The following METTL8 variants were observed in gnomAD, a reference collection of about 807,000 sequenced individuals.
The protein encoded by METTL8 is tRNA N(3)-cytidine methyltransferase METTL8, mitochondrial.
A neutral mutation model predicts 48.7 loss-of-function variants in METTL8; 32 were observed. That is an observed-to-expected ratio of 0.66 (90% CI 0.50 to 0.88). The LOEUF is 0.88. METTL8 is among the 40% of genes least tolerant of loss of function. The pLI, the probability that METTL8 is intolerant of heterozygous loss-of-function variation, is 0.00. For missense variants in METTL8, 464 were observed against 474.4 expected (o/e 0.98, Z 0.20); for synonymous variants, 136 against 157.1 (o/e 0.87, Z 1.01).
intron 1 of METTL8, among the ~76,000 whole-genome samples, chr2:171,421,851 C>G (rs766750193): frequency 6.6e-6 from 1 of 152,082 alleles, no homozygotes; most frequent in South Asian, 2.1e-4. Flanking sequence ...CCCTAGTATA[C>G]TGAGGAAAGA....
chr2:171,423,227 C>T (rs1692053727), intron 1 of METTL8, among the ~76,000 whole-genome samples: 1 of 152,160 alleles, frequency 6.6e-6, no homozygotes, highest in Non-Finnish European at 1.5e-5. Context: ...AAACCTCTTC[C>T]CTTTATAAAT....
chr2:171,363,792 T>TTA (rs200347847), intron 2 of METTL8, among the ~76,000 whole-genome samples: 12,142 of 97,326 alleles, frequency 0.12, 1,214 homozygotes, highest in East Asian at 0.33. Flanking sequence ...TCCCCAAATT[T>TTA]TATATATATA....
chr2:171,363,812 A>ATATATATATC (rs1353749107), intron 2 of METTL8, among the ~76,000 whole-genome samples: 1 of 138,324 alleles, frequency 7.2e-6, no homozygotes, highest in African/African-American at 2.7e-5. Context: ...ATATATATAT[A>ATATATATATC]TATCTTTTTT....
chr2:171,368,630 T>G (rs570388073), intron 2 of METTL8, among the ~76,000 whole-genome samples: 156 of 151,700 alleles, frequency 1.0e-3, no homozygotes, highest in African/African-American at 3.7e-3. Flanking sequence ...ATTTAGAAGA[T>G]CTACATCAAA....
chr2:171,390,304 T>C (rs932618020), intron 2 of METTL8, among the ~76,000 whole-genome samples: 11 of 152,232 alleles, frequency 7.2e-5, no homozygotes, highest in African/African-American at 2.7e-4. Flanking sequence ...TGTACAAGGA[T>C]ATTAATGTTG....
intron 3 of METTL8, among the ~76,000 whole-genome samples, chr2:171,357,261 C>T (rs1222349507): frequency 2.0e-5 from 3 of 152,002 alleles, no homozygotes; most frequent in Non-Finnish European, 4.4e-5. Context: ...GCCCAGCCAA[C>T]AATATGATCT....
intron 2 of METTL8, among the ~76,000 whole-genome samples, chr2:171,373,172 C>T (rs1686551689): frequency 6.6e-6 from 1 of 152,176 alleles, no homozygotes; most frequent in Non-Finnish European, 1.5e-5. Context: ...TAATGATCAC[C>T]ATTCTAACTG....
At chr2:171,346,729 C>T (rs1687299450) in intron 3 of METTL8, among the ~76,000 whole-genome samples, 1 of 152,230 alleles carries the variant, frequency 6.6e-6, no homozygotes, top group Admixed American at 6.5e-5. Context: ...CACAGAGGCA[C>T]TTGCCGAAGA....
At chr2:171,411,508 A>C (rs576910276) in intron 1 of METTL8, among the ~76,000 whole-genome samples, 2 of 152,252 alleles carry the variant, frequency 1.3e-5, no homozygotes, top group South Asian at 4.1e-4. Flanking sequence ...AAAGTCCAGA[A>C]ACGAGTTAGA....
At chr2:171,378,018 C>A (rs1416322420) in intron 2 of METTL8, among the ~76,000 whole-genome samples, 1 of 152,186 alleles carries the variant, frequency 6.6e-6, no homozygotes, top group African/African-American at 2.4e-5. Context: ...CATCAACCAA[C>A]AAGTGGATCA....
At chr2:171,434,611 C>G (rs1693677654), upstream of METTL8, 1 of 1,529,186 alleles carries the variant, frequency 6.5e-7, no homozygotes, top group East Asian at 2.5e-5. Flanking sequence ...CGTGTGCAGC[C>G]GGCTGAGTCG....
chr2:171,411,749 G>T (rs1381071353), intron 1 of METTL8, among the ~76,000 whole-genome samples: 4 of 152,044 alleles, frequency 2.6e-5, no homozygotes, highest in Admixed American at 1.3e-4. Context: ...CCCAAAAAAT[G>T]GGGTAAAAAA....
At chr2:171,366,454 C>CA (rs1345505131) in intron 2 of METTL8, among the ~76,000 whole-genome samples, 10 of 152,102 alleles carry the variant, frequency 6.6e-5, no homozygotes, top group Non-Finnish European at 1.2e-4. Context: ...ATCCAGACTG[C>CA]ATAGAAGATA....
chr2:171,393,206 A>G (rs1294636502), intron 1 of METTL8, among the ~76,000 whole-genome samples: 1 of 152,030 alleles, frequency 6.6e-6, no homozygotes, highest in Non-Finnish European at 1.5e-5. Flanking sequence ...GAGTTACTTG[A>G]GTCCAAGAGT....
In METTL8 at chr2:171,316,734, C is replaced by T. The variant is rs554830631; in HGVS notation, c.*7438G>A. 1.3e-5 allele frequency among the ~76,000 whole-genome samples: 2 copies of T among 152,276 alleles called. No individual in the cohort carries two copies. The highest frequency in any genetic ancestry group is 4.8e-5 in the African/African-American group (2 of 41,562). ...ATATAAATATTAAAATAAATGAGGG[C>T]TGCGAAAGAAAAAGTATGAGCAATG... On this transcript the variant is annotated 3_prime_UTR_variant, in exon 10 of 10. Coordinates refer to ENST00000375258, the MANE Select transcript of METTL8 (RefSeq NM_001321154.2).
chr2:171,336,330 C>G (rs557457612), intron 5 of METTL8, among the ~76,000 whole-genome samples: 1 of 148,540 alleles, frequency 6.7e-6, no homozygotes, highest in African/African-American at 2.5e-5. Context: ...CTCCTGATCT[C>G]GTGATTTGCC....
At position 171,324,031 on chromosome 2, in the gene METTL8, C is replaced by G. The variant is rs1684683106; in HGVS notation, c.*141G>C. ...ACCACTTACATGTGCTTAAAATGCA[C>G]AAAGGAGCTCACCTATGACAAAACG... On this transcript the variant is annotated 3_prime_UTR_variant, in exon 10 of 10. Transcript: ENST00000375258. The G allele has an allele frequency of 8.8e-6, 6 of 680,530 alleles. No individual in the cohort carries two copies. The highest frequency in any genetic ancestry group is 3.1e-5 in the Admixed American group (1 of 31,762). 42.2% of individuals were successfully genotyped at this position (680,530 alleles called of 1,614,324 possible).
At chr2:171,388,660 G>C (rs1410789536) in intron 2 of METTL8, among the ~76,000 whole-genome samples, 3 of 152,156 alleles carry the variant, frequency 2.0e-5, no homozygotes, top group Non-Finnish European at 4.4e-5. Flanking sequence ...TGCTTTGCTT[G>C]ATCACACTTC....
At chr2:171,395,757 A>T (rs113973158) in intron 1 of METTL8, among the ~76,000 whole-genome samples, 19 of 152,356 alleles carry the variant, frequency 1.2e-4, no homozygotes, top group African/African-American at 4.1e-4. Flanking sequence ...GGAGATTTTA[A>T]CAACCCTTTT....
Sources: allele counts gnomAD v4.1 joint callset (sites outside exome capture counted in the v4.1 genomes callset), GRCh38; gene constraint gnomAD v4.1.1; transcripts MANE v1.5; gene names NCBI Gene and HGNC (gene_info 2026-07-23, HGNC 2026-07-21).